The following ALDH18A1 variants were observed in gnomAD, a reference collection of about 807,000 sequenced individuals.
ALDH18A1 encodes the protein aldehyde dehydrogenase 18 family member A1.
A neutral mutation model predicts 88.8 loss-of-function variants in ALDH18A1; 44 were observed. The ratio of observed to expected loss-of-function variants is 0.50; its 90% CI spans 0.39 to 0.64. ALDH18A1 has a LOEUF of 0.64. Ranked by LOEUF, ALDH18A1 falls within the 30% of genes least tolerant of loss-of-function variation. The pLI is 0.00. For missense variants in ALDH18A1, 782 were observed against 1,009.5 expected, an observed-to-expected ratio of 0.77 and a Z score of 3.05; for synonymous variants, 331 against 372.1, an observed-to-expected ratio of 0.89 and a Z score of 1.27.
chr10:95,613,810 AC>A lies in ALDH18A1; in HGVS notation c.1854del (p.Leu618PhefsTer2). The stretch of plus-strand genomic sequence containing the variant: ...GTCCTGAGCAGATCCCGGTGGATTA[AC>A]AAAGTCTCCAAAGCATTACAGGCAG... Reference protein sequence around the residue: ...YPAACNALETLLIHRDLLRTP... With the variant: ...YPAACNALETXLIHRDLLRTP... On this transcript the variant is annotated frameshift_variant, in exon 15 of 18. Coordinates refer to ENST00000371224, the MANE Select transcript of ALDH18A1 (RefSeq NM_002860.4). LOFTEE classifies it high-confidence loss of function. The A allele has an allele frequency of 6.2e-7, 1 of 1,614,170 alleles. No homozygotes were observed. Among genetic ancestry groups the A allele is most frequent in the Non-Finnish European group, 8.5e-7 (1 of 1,180,028 alleles).
chr10:95,616,759 C>T (rs2097844926), intron 12 of ALDH18A1, 145 bp from the exon 13 acceptor site: 2 of 1,100,124 alleles, frequency 1.8e-6, no homozygotes, highest in East Asian at 5.2e-5. Context: ...CACAACACTG[C>T]AGTGAATTAA....
chr10:95,625,628 A>T (rs2097859274), intron 10 of ALDH18A1, among the ~76,000 whole-genome samples, 173 bp from the exon 11 acceptor site: 1 of 150,636 alleles, frequency 6.6e-6, no homozygotes, highest in Admixed American at 6.6e-5. Flanking sequence ...TGCTCCCCTT[A>T]TTTCTTCCTT....
At chr10:95,610,758 T>C (rs904679467) in intron 16 of ALDH18A1, among the ~76,000 whole-genome samples, 4 of 152,154 alleles carry the variant, frequency 2.6e-5, no homozygotes, top group African/African-American at 4.8e-5. Context: ...TTGGTAAATG[T>C]TGGCTGTTAA....
At chr10:95,626,841 G>T in intron 9 of ALDH18A1, 65 bp from the exon 10 acceptor site, 1 of 1,534,724 alleles carries the variant, frequency 6.5e-7, no homozygotes, top group Non-Finnish European at 9.0e-7. Context: ...TCTACTACTA[G>T]AGAGAGAACT....
At chr10:95,651,692 C>T (rs2097910702) in intron 2 of ALDH18A1, among the ~76,000 whole-genome samples, 1 of 152,108 alleles carries the variant, frequency 6.6e-6, no homozygotes, top group Non-Finnish European at 1.5e-5. Context: ...AGAAGTCACT[C>T]ACTATCTCAA....
intron 7 of ALDH18A1, among the ~76,000 whole-genome samples, chr10:95,632,582 T>A (rs1435945209): frequency 6.6e-6 from 1 of 152,204 alleles, no homozygotes; most frequent in East Asian, 1.9e-4. Context: ...CAGGTTGATC[T>A]TGAATTCCTG....
chr10:95,633,695 T>C (rs2139610325), intron 5 of ALDH18A1, 46 bp from the exon 6 acceptor site: 1 of 1,603,058 alleles, frequency 6.2e-7, no homozygotes. Context: ...AGAAAAACGC[T>C]AAACTTCCCA....
At chr10:95,619,300 A>C (rs907757892) in intron 12 of ALDH18A1, among the ~76,000 whole-genome samples, 9 of 152,222 alleles carry the variant, frequency 5.9e-5, no homozygotes, top group Non-Finnish European at 1.3e-4. Flanking sequence ...GACACAAACA[A>C]ATGGAAGAAC....
intron 2 of ALDH18A1, among the ~76,000 whole-genome samples, chr10:95,649,350 G>A (rs2097906329): frequency 1.4e-5 from 2 of 145,390 alleles, no homozygotes; most frequent in Non-Finnish European, 3.1e-5. Context: ...CATTTTTACA[G>A]ATTTTTTTTT....
chr10:95,609,996 C>T (rs1199006180), intron 17 of ALDH18A1, among the ~76,000 whole-genome samples: 1 of 152,074 alleles, frequency 6.6e-6, no homozygotes, highest in African/African-American at 2.4e-5. Context: ...TCTCGAACTC[C>T]TGACCTCAGG....
At chr10:95,622,985 T>A (rs1252172875) in intron 11 of ALDH18A1, among the ~76,000 whole-genome samples, 1 of 152,064 alleles carries the variant, frequency 6.6e-6, no homozygotes, top group Non-Finnish European at 1.5e-5. Flanking sequence ...TGGTCAATGT[T>A]GAGATTACAA....
At chr10:95,627,843 G>GGAC (rs1409690109) in intron 8 of ALDH18A1, among the ~76,000 whole-genome samples, 1 of 152,086 alleles carries the variant, frequency 6.6e-6, no homozygotes, top group Non-Finnish European at 1.5e-5. Flanking sequence ...CTCTAGTATG[G>GGAC]GACTCATAAC....
chr10:95,623,476 C>T lies in ALDH18A1; in HGVS notation c.1246+1886G>A, dbSNP rs935566564. Among the ~76,000 whole-genome samples, 12 of 152,084 alleles carry T rather than the reference C, an allele frequency of 7.9e-5. No homozygotes were observed. In the East Asian group the frequency reaches 2.3e-3, roughly 29 times the overall value. ...AGGCTGGAGTGCAGTAGCGCAATCT[C>T]GGCTCACTGCAACCTCTGCCTCCTA... On this transcript the variant is annotated intron_variant, in intron 11 of 17. Coordinates refer to ENST00000371224, the MANE Select transcript of ALDH18A1 (RefSeq NM_002860.4).
At chr10:95,627,844 G>A (rs1349180166) in intron 8 of ALDH18A1, among the ~76,000 whole-genome samples, 1 of 152,130 alleles carries the variant, frequency 6.6e-6, no homozygotes, top group East Asian at 1.9e-4. Flanking sequence ...TCTAGTATGG[G>A]ACTCATAACT....
At chr10:95,636,024 G>A (rs1419389102) in intron 5 of ALDH18A1, among the ~76,000 whole-genome samples, 1 of 152,150 alleles carries the variant, frequency 6.6e-6, no homozygotes, top group Non-Finnish European at 1.5e-5. Flanking sequence ...ACTACAGAAA[G>A]TGGGGTCCCC....
intron 2 of ALDH18A1, among the ~76,000 whole-genome samples, chr10:95,643,497 C>A (rs1175952958): frequency 6.6e-6 from 1 of 152,040 alleles, no homozygotes; most frequent in African/African-American, 2.4e-5. Flanking sequence ...TTATCGAAAG[C>A]CTTAAAAAAG....
At chr10:95,612,627 C>T (rs2097837229) in intron 15 of ALDH18A1, among the ~76,000 whole-genome samples, 1 of 152,190 alleles carries the variant, frequency 6.6e-6, no homozygotes, top group African/African-American at 2.4e-5. Context: ...GTATGAAGTA[C>T]ACACAGTGAC....
chr10:95,616,309 ATC>A (rs1455289983), intron 13 of ALDH18A1, among the ~76,000 whole-genome samples, 166 bp downstream of exon 13: 8 of 152,246 alleles, frequency 5.3e-5, no homozygotes, highest in Non-Finnish European at 1.0e-4. Flanking sequence ...CTGAGGACCC[ATC>A]TGGCTCTGCA....
At chr10:95,655,747 G>C (rs527584502) in intron 1 of ALDH18A1, among the ~76,000 whole-genome samples, 1 of 151,756 alleles carries the variant, frequency 6.6e-6, no homozygotes, top group Non-Finnish European at 1.5e-5. Flanking sequence ...ACTGTGTCTC[G>C]ACTCTGTGTG....
Sources: gnomAD v4.1 joint callset for allele counts (sites outside exome capture counted in the v4.1 genomes callset) on GRCh38, gnomAD v4.1.1 for gene constraint, MANE v1.5 for transcripts, NCBI Gene and HGNC (gene_info 2026-07-23, HGNC 2026-07-21) for gene names.